Variants in VPS50 observed in about 807,000 individuals in gnomAD.
VPS50 encodes VPS50 subunit of EARP/GARPII complex, also known as syndetin.
In VPS50, 70 loss-of-function variants were observed where a neutral mutation model predicts 139.7. The observed-to-expected ratio is 0.50, with a 90% CI of 0.41 to 0.61. The LOEUF is 0.61. Ranked by LOEUF, VPS50 falls within the 20% of genes least tolerant of loss-of-function variation. VPS50 has a pLI of 0.00. For missense variants in VPS50, 921 were observed against 1,133.7 expected, an observed-to-expected ratio of 0.81 and a Z score of 2.69; for synonymous variants, 365 against 376.7, an observed-to-expected ratio of 0.97 and a Z score of 0.36.
intron 9 of VPS50, among the ~76,000 whole-genome samples, chr7:93,261,494 G>A (rs960909553): frequency 6.6e-6 from 1 of 151,848 alleles, no homozygotes; most frequent in African/African-American, 2.4e-5. Context: ...TGGCTAACAC[G>A]GTGAAACCCC....
At chr7:93,263,419 A>C (rs1795747471) in intron 9 of VPS50, among the ~76,000 whole-genome samples, 1 of 152,220 alleles carries the variant, frequency 6.6e-6, no homozygotes, top group Admixed American at 6.5e-5. Flanking sequence ...CATGATATAG[A>C]ATATTTCTGA....
intron 2 of VPS50, among the ~76,000 whole-genome samples, chr7:93,241,986 T>C (rs1169414523): frequency 2.0e-5 from 3 of 152,122 alleles, no homozygotes; most frequent in Non-Finnish European, 4.4e-5. Flanking sequence ...AAATGGAAAA[T>C]GTTAATTCAA....
chr7:93,333,696 G>A (rs1003741419), intron 21 of VPS50, among the ~76,000 whole-genome samples: 6 of 152,228 alleles, frequency 3.9e-5, no homozygotes, highest in East Asian at 3.9e-4. Flanking sequence ...TTAAGCTATC[G>A]CTAATTTGTA....
At chr7:93,238,597 C>T (rs1794888338) in intron 1 of VPS50, among the ~76,000 whole-genome samples, 1 of 152,064 alleles carries the variant, frequency 6.6e-6, no homozygotes, top group Non-Finnish European at 1.5e-5. Context: ...AGATGTCTTA[C>T]TGAGGTATTG....
intron 9 of VPS50, among the ~76,000 whole-genome samples, chr7:93,268,979 A>G (rs1795925450): frequency 6.6e-6 from 1 of 152,136 alleles, no homozygotes. Flanking sequence ...ATTACTAATT[A>G]CATATAGAGA....
intron 12 of VPS50, among the ~76,000 whole-genome samples, chr7:93,283,441 G>C (rs916623827): frequency 1.3e-5 from 2 of 151,898 alleles, no homozygotes. Context: ...TCACCATGTT[G>C]GTCAGGCTGG....
chr7:93,295,014 G>A (rs1796766974), intron 14 of VPS50, among the ~76,000 whole-genome samples: 1 of 151,972 alleles, frequency 6.6e-6, no homozygotes, highest in Non-Finnish European at 1.5e-5. Flanking sequence ...GAGTAACTAA[G>A]TAGATAGCAT....
chr7:93,329,712 A>G (rs1797880486), intron 21 of VPS50, among the ~76,000 whole-genome samples: 1 of 152,220 alleles, frequency 6.6e-6, no homozygotes, highest in South Asian at 2.1e-4. Flanking sequence ...TTCCCATTAA[A>G]AAGCTATGGG....
chr7:93,332,242 A>G (rs1451112936), intron 21 of VPS50, among the ~76,000 whole-genome samples: 1 of 152,218 alleles, frequency 6.6e-6, no homozygotes, highest in African/African-American at 2.4e-5. Flanking sequence ...TGGCTAGCAG[A>G]TGGTTGCTTT....
At chr7:93,257,791 A>G (rs902023800) in intron 6 of VPS50, 4 of 239,928 alleles carry the variant, frequency 1.7e-5, no homozygotes, top group African/African-American at 9.0e-5. Context: ...TGCAGTAAAA[A>G]CAAATTACTA....
At chr7:93,343,127 G>A (rs1798276466) in intron 23 of VPS50, among the ~76,000 whole-genome samples, 2 of 152,172 alleles carry the variant, frequency 1.3e-5, no homozygotes, top group African/African-American at 4.8e-5. Context: ...CCAATACAGA[G>A]AAGTGCTTAA....
At chr7:93,277,089 A>G (rs1796179789) in intron 12 of VPS50, among the ~76,000 whole-genome samples, 1 of 152,188 alleles carries the variant, frequency 6.6e-6, no homozygotes, top group Admixed American at 6.5e-5. Context: ...AAGGGTATAA[A>G]TAAAGAAGAC....
At chr7:93,300,821 AT>A (rs1275016572) in intron 16 of VPS50, among the ~76,000 whole-genome samples, 1 of 151,812 alleles carries the variant, frequency 6.6e-6, no homozygotes, top group Non-Finnish European at 1.5e-5. Context: ...AAAAGTAAAA[AT>A]ATATATGATT....
chr7:93,343,890 G>T (rs969980405), intron 23 of VPS50, among the ~76,000 whole-genome samples: 7 of 152,190 alleles, frequency 4.6e-5, no homozygotes, highest in Non-Finnish European at 1.0e-4. Flanking sequence ...AAAATGTAAA[G>T]ACCATCCAGA....
intron 20 of VPS50, 115 bp from the exon 21 acceptor site, chr7:93,323,496 A>C (rs1173127644): frequency 3.2e-6 from 1 of 308,042 alleles, no homozygotes; most frequent in Non-Finnish European, 5.5e-6. Flanking sequence ...GAGGGAGTGC[A>C]ATGTTTCATT....
intron 23 of VPS50, among the ~76,000 whole-genome samples, chr7:93,345,126 A>G (rs539221476): frequency 3.2e-4 from 49 of 152,368 alleles, no homozygotes; most frequent in African/African-American, 1.1e-3. Context: ...AATAGATGCA[A>G]TAATAAATGA....
chr7:93,281,405 A>C (rs1482061444), intron 12 of VPS50, among the ~76,000 whole-genome samples: 1 of 152,140 alleles, frequency 6.6e-6, no homozygotes, highest in Non-Finnish European at 1.5e-5. Context: ...TCTGTTCCTA[A>C]ATCCTCAGGA....
chr7:93,246,381 G>A (rs1175431360), intron 2 of VPS50, among the ~76,000 whole-genome samples: 1 of 151,814 alleles, frequency 6.6e-6, no homozygotes, highest in Non-Finnish European at 1.5e-5. Context: ...GGTGTATAAT[G>A]TGGACTGGTC....
At chr7:93,354,412 G>C (rs1167592363) in intron 26 of VPS50, among the ~76,000 whole-genome samples, 1 of 151,600 alleles carries the variant, frequency 6.6e-6, no homozygotes, top group Admixed American at 6.6e-5. Context: ...TTGTGCCTCA[G>C]CCTCCTGAGC....
Sources: allele counts gnomAD v4.1 joint callset (sites outside exome capture counted in the v4.1 genomes callset), GRCh38; gene constraint gnomAD v4.1.1; transcripts MANE v1.5; gene names NCBI Gene and HGNC (gene_info 2026-07-23, HGNC 2026-07-21).